The following PDE4D variants were observed in gnomAD, a reference collection of about 807,000 sequenced individuals.
PDE4D encodes phosphodiesterase 4D, also known as 3',5'-cyclic-AMP phosphodiesterase 4D.
In PDE4D, 24 loss-of-function variants were observed where a neutral mutation model predicts 87.4. The observed-to-expected ratio is 0.27, with a 90% confidence interval of 0.20 to 0.39. The LOEUF (loss-of-function observed/expected upper bound fraction) is 0.39, where lower values mean the gene tolerates loss of function less well. Ranked by LOEUF, PDE4D falls within the 10% of genes least tolerant of loss-of-function variation. The probability of loss-of-function intolerance (pLI) is 1.00; values close to 1 mark genes in which losing one functional copy is unlikely to be tolerated. For synonymous variants in PDE4D, 384 were observed against 383.2 expected, an observed-to-expected ratio of 1.00 and a Z score of -0.02; for missense variants, 714 against 1,041.0, an observed-to-expected ratio of 0.69 and a Z score of 4.32.
intron 1 of PDE4D, among the ~76,000 whole-genome samples, chr5:59,234,921 T>A (rs1363970548): frequency 6.6e-6 from 1 of 152,134 alleles, no homozygotes; most frequent in African/African-American, 2.4e-5. Context: ...ATAAGCAGTG[T>A]AGGTATCGTC....
At chr5:60,151,500 T>C (rs1201314155) in intron 2 of PDE4D, among the ~76,000 whole-genome samples, 1 of 152,204 alleles carries the variant, frequency 6.6e-6, no homozygotes, top group Non-Finnish European at 1.5e-5. Context: ...AAATATTATA[T>C]TTTTTGATGT....
At chr5:58,987,471 A>G (rs2968021) in intron 11 of PDE4D, among the ~76,000 whole-genome samples, 134,853 of 152,194 alleles carry the variant, frequency 0.89, 59,960 homozygotes, top group African/African-American at 0.96. Context: ...AAAAATAGGT[A>G]AATAATCCTA....
At chr5:59,973,664 C>T (rs561793515) in intron 3 of PDE4D, among the ~76,000 whole-genome samples, 2 of 152,020 alleles carry the variant, frequency 1.3e-5, no homozygotes, top group Non-Finnish European at 2.9e-5. Context: ...TGCAGATAAT[C>T]CTCTGAAAAT....
chr5:60,134,030 C>A (rs1287558290), intron 2 of PDE4D, among the ~76,000 whole-genome samples: 1 of 152,142 alleles, frequency 6.6e-6, no homozygotes, highest in African/African-American at 2.4e-5. Context: ...AGACTTCTTG[C>A]AAGCACTTCA....
chr5:60,322,861 T>C (rs1042421858), intron 1 of PDE4D, among the ~76,000 whole-genome samples: 5 of 152,250 alleles, frequency 3.3e-5, no homozygotes, highest in African/African-American at 1.2e-4. Context: ...CCTCATAAAA[T>C]AGCTTTCGCT....
At chr5:60,303,699 CG>C (rs939063332) in intron 1 of PDE4D, among the ~76,000 whole-genome samples, 6 of 152,070 alleles carry the variant, frequency 3.9e-5, no homozygotes, top group Admixed American at 1.3e-4. Context: ...ATTTGCGAGG[CG>C]TGTTTTACTT....
intron 2 of PDE4D, among the ~76,000 whole-genome samples, chr5:60,054,285 A>G (rs1299307889): frequency 6.6e-6 from 1 of 152,222 alleles, no homozygotes; most frequent in African/African-American, 2.4e-5. Context: ...GAACCAACCC[A>G]AACGCCCATC....
chr5:59,756,535 C>CACACACACAGAG (rs1355152924), intron 1 of PDE4D, among the ~76,000 whole-genome samples: 1 of 149,974 alleles, frequency 6.7e-6, no homozygotes, highest in African/African-American at 2.5e-5. Context: ...CACACACACA[C>CACACACACAGAG]AGAGACACAC....
rs991825244 is a variant in PDE4D, at chr5:58,973,534, C to A, written c.*1130G>T. On this transcript the variant is annotated 3_prime_UTR_variant, in exon 15 of 15. Coordinates refer to ENST00000340635, the MANE Select transcript of PDE4D (RefSeq NM_001104631.2). Reference sequence around the variant, plus strand: ...ATGAACATCTAGTGACACAGCAAAACGTTATTAGGAGATACTAAGTAGGAA... The same window carrying A: ...ATGAACATCTAGTGACACAGCAAAAAGTTATTAGGAGATACTAAGTAGGAA... 1.3e-5 allele frequency: 2 copies of A among 152,464 alleles called. No homozygotes were observed. The highest frequency in any genetic ancestry group is 4.8e-5 in the African/African-American group (2 of 41,390). 9.4% of individuals were successfully genotyped at this position (152,464 alleles called of 1,614,324 possible).
chr5:59,241,730 T>A (rs1000700502), intron 1 of PDE4D, among the ~76,000 whole-genome samples: 1 of 152,174 alleles, frequency 6.6e-6, no homozygotes, highest in African/African-American at 2.4e-5. Context: ...TTAAGAGGGC[T>A]TTTCTCTGGG....
intron 3 of PDE4D, among the ~76,000 whole-genome samples, chr5:59,981,602 G>A (rs996266523): frequency 6.6e-6 from 1 of 152,088 alleles, no homozygotes; most frequent in African/African-American, 2.4e-5. Flanking sequence ...ATTTTGGGAA[G>A]CTTTGCCTAG....
chr5:59,731,978 G>A (rs1235758661), intron 1 of PDE4D, among the ~76,000 whole-genome samples: 1 of 152,156 alleles, frequency 6.6e-6, no homozygotes, highest in Non-Finnish European at 1.5e-5. Flanking sequence ...TTTCCAGAGT[G>A]AATGCATCAA....
chr5:59,529,964 C>T (rs1238985275), intron 1 of PDE4D, among the ~76,000 whole-genome samples: 1 of 152,182 alleles, frequency 6.6e-6, no homozygotes, highest in African/African-American at 2.4e-5. Flanking sequence ...CAGTGCTGTG[C>T]TTCTCACATT....
At chr5:59,701,086 T>C (rs1223115384) in intron 1 of PDE4D, among the ~76,000 whole-genome samples, 4 of 152,182 alleles carry the variant, frequency 2.6e-5, no homozygotes, top group Non-Finnish European at 5.9e-5. Flanking sequence ...GTCTTGTCAC[T>C]GAACTACTAA....
At chr5:59,200,004 A>ACAT (rs1746470463) in intron 2 of PDE4D, among the ~76,000 whole-genome samples, 2 of 147,736 alleles carry the variant, frequency 1.4e-5, no homozygotes, top group Non-Finnish European at 1.5e-5. Context: ...ACATGCATGC[A>ACAT]ACATACATAC....
At chr5:59,379,439 G>A (rs1376441019) in intron 1 of PDE4D, among the ~76,000 whole-genome samples, 39 of 151,584 alleles carry the variant, frequency 2.6e-4, no homozygotes, top group Non-Finnish European at 8.8e-5. Context: ...CATCTATACC[G>A]AGAGGCAACT....
chr5:60,364,924 C>G (rs1037154430), intron 1 of PDE4D, among the ~76,000 whole-genome samples: 1 of 152,184 alleles, frequency 6.6e-6, no homozygotes, highest in African/African-American at 2.4e-5. Context: ...CCTTGGAAGT[C>G]CATGAAGAAC....
At chr5:59,368,333 T>C (rs1437808122) in intron 1 of PDE4D, among the ~76,000 whole-genome samples, 1 of 152,130 alleles carries the variant, frequency 6.6e-6, no homozygotes, top group Non-Finnish European at 1.5e-5. Context: ...AAATTGAAAA[T>C]TGGGGACTAC....
intron 2 of PDE4D, among the ~76,000 whole-genome samples, chr5:60,056,091 T>A (rs1485203637): frequency 6.6e-6 from 1 of 152,046 alleles, no homozygotes; most frequent in East Asian, 1.9e-4. Flanking sequence ...AAACATTAAG[T>A]GCCATATCAA....
Sources: allele counts gnomAD v4.1 joint callset (sites outside exome capture counted in the v4.1 genomes callset), GRCh38; gene constraint gnomAD v4.1.1; transcripts MANE v1.5; gene names NCBI Gene and HGNC (gene_info 2026-07-23, HGNC 2026-07-21).